TCF7L2: variants seen among roughly 807,000 people sequenced by gnomAD.
TCF7L2 encodes transcription factor 7-like 2.
In TCF7L2, 23 loss-of-function variants were observed where a neutral mutation model predicts 77.9. The observed-to-expected ratio is 0.30, with a 90% CI of 0.21 to 0.42. The LOEUF (loss-of-function observed/expected upper bound fraction) is 0.42. TCF7L2 is among the 10% of genes least tolerant of loss of function. TCF7L2 has a pLI of 1.00. For missense variants in TCF7L2, 654 were observed against 793.1 expected (o/e 0.82, Z 2.11); for synonymous variants, 413 against 340.2 (o/e 1.21, Z -2.36).
intron 4 of TCF7L2, among the ~76,000 whole-genome samples, chr10:112,985,608 T>C (rs924779700): frequency 1.3e-5 from 2 of 152,200 alleles, no homozygotes; most frequent in African/African-American, 2.4e-5. Context: ...GATCCCCTTA[T>C]GTTCGGTAAA....
chr10:113,103,476 GA>G (rs576325969), intron 5 of TCF7L2, among the ~76,000 whole-genome samples: 3 of 150,776 alleles, frequency 2.0e-5, no homozygotes, highest in African/African-American at 4.9e-5. Flanking sequence ...AAGTAAGAAA[GA>G]AAAAAAAATA....
chr10:113,121,250 T>G (rs920590544), intron 5 of TCF7L2, among the ~76,000 whole-genome samples: 1 of 152,192 alleles, frequency 6.6e-6, no homozygotes, highest in Non-Finnish European at 1.5e-5. Flanking sequence ...CTTGCCCCTC[T>G]TCTCGCTCTC....
intron 7 of TCF7L2, among the ~76,000 whole-genome samples, chr10:113,144,822 C>T (rs2069035783): frequency 1.3e-5 from 2 of 152,140 alleles, no homozygotes; most frequent in African/African-American, 4.8e-5. Context: ...AGTAGAAAGG[C>T]CTTTGATGCA....
chr10:113,032,214 G>A (rs965591788), intron 4 of TCF7L2, among the ~76,000 whole-genome samples: 14 of 152,208 alleles, frequency 9.2e-5, no homozygotes, highest in African/African-American at 3.4e-4. Flanking sequence ...GGAGGGTCTG[G>A]TGAAATTCCA....
At chr10:113,074,800 G>T (rs1449757378) in intron 5 of TCF7L2, among the ~76,000 whole-genome samples, 1 of 152,136 alleles carries the variant, frequency 6.6e-6, no homozygotes, top group Non-Finnish European at 1.5e-5. Flanking sequence ...TGTTCCCCAG[G>T]AGACATCTGG....
chr10:113,014,563 G>GGGCGCCTCCCAAA (rs2047021282), intron 4 of TCF7L2, among the ~76,000 whole-genome samples: 1 of 151,342 alleles, frequency 6.6e-6, no homozygotes, highest in African/African-American at 2.4e-5. Flanking sequence ...GAGGCCGAGG[G>GGGCGCCTCCCAAA]GGCGCGGATC....
chr10:112,971,996 C>G (rs1202552882), intron 4 of TCF7L2, among the ~76,000 whole-genome samples: 1 of 151,932 alleles, frequency 6.6e-6, no homozygotes, highest in Admixed American at 6.6e-5. Flanking sequence ...TCTCGGCTCA[C>G]TGCAACCTCT....
At chr10:113,039,413 A>G (rs56087297) in intron 4 of TCF7L2, among the ~76,000 whole-genome samples, 32,572 of 152,096 alleles carry the variant, frequency 0.21, 4,041 homozygotes, top group Middle Eastern at 0.32. Flanking sequence ...GAGTGTATAC[A>G]TTGTGTCTGG....
intron 5 of TCF7L2, among the ~76,000 whole-genome samples, chr10:113,131,249 C>T (rs967076952): frequency 6.6e-6 from 1 of 152,194 alleles, no homozygotes; most frequent in Non-Finnish European, 1.5e-5. Flanking sequence ...GACTTATGTT[C>T]ATATTTTCAA....
intron 5 of TCF7L2, among the ~76,000 whole-genome samples, chr10:113,087,727 C>G (rs1361125996): frequency 6.6e-6 from 1 of 152,160 alleles, no homozygotes; most frequent in Non-Finnish European, 1.5e-5. Flanking sequence ...CTCTCAAAAT[C>G]CAGACACAAG....
At chr10:113,129,407 C>T (rs1248725920) in intron 5 of TCF7L2, 6 of 998,934 alleles carry the variant, frequency 6.0e-6, no homozygotes, top group Non-Finnish European at 7.2e-6. Flanking sequence ...GCTGAGGTGC[C>T]CTGAGCTGGC....
chr10:113,031,480 C>CTTT (rs57567068), intron 4 of TCF7L2, among the ~76,000 whole-genome samples: 7 of 134,870 alleles, frequency 5.2e-5, no homozygotes, highest in South Asian at 2.4e-4. Flanking sequence ...ACTGTGCAAC[C>CTTT]TTTTTTTTTT....
At chr10:113,158,887 GTT>G (rs370713981) in intron 12 of TCF7L2, among the ~76,000 whole-genome samples, 170 bp downstream of exon 13, 2 of 128,838 alleles carry the variant, frequency 1.6e-5, no homozygotes. Flanking sequence ...AGTTGCTTCT[GTT>G]TTTTTTTTTT....
intron 5 of TCF7L2, among the ~76,000 whole-genome samples, chr10:113,075,142 C>T (rs1388140547): frequency 6.6e-6 from 1 of 152,112 alleles, no homozygotes; most frequent in Non-Finnish European, 1.5e-5. Flanking sequence ...AGGTATAAGC[C>T]ACAGTGCCCA....
chr10:112,969,075 C>G (rs1240184662), intron 4 of TCF7L2, among the ~76,000 whole-genome samples: 1 of 152,174 alleles, frequency 6.6e-6, no homozygotes, highest in African/African-American at 2.4e-5. Context: ...GTCCCAGAGG[C>G]TAACTTCTGA....
In TCF7L2 at chr10:113,166,716, T is replaced by A. The variant is rs2074058000; in HGVS notation, c.*744T>A. The A allele has an allele frequency of 4.3e-6, 1 of 229,916 alleles. No homozygotes were observed. Among genetic ancestry groups the A allele is most frequent in the South Asian group, 1.8e-4 (1 of 5,494 alleles). The allele number at this position is 229,916 out of a possible 1,614,324, so 14.2% of individuals were successfully genotyped here. A position where few individuals can be genotyped will look rare whatever the true frequency, so the allele number is the denominator to read the frequency against. ...CCTTTTTCTTGAAACTGTATAAAGT[T>A]TTTTTCCCCCTTAGCATAAGCATCT... On this transcript the variant is annotated 3_prime_UTR_variant, in exon 14 of 14. Coordinates refer to ENST00000627217, the MANE Select transcript of TCF7L2 (RefSeq NM_001146274.2).
chr10:113,048,764 T>G (rs1443712867), intron 5 of TCF7L2, among the ~76,000 whole-genome samples: 2 of 152,176 alleles, frequency 1.3e-5, no homozygotes, highest in Non-Finnish European at 2.9e-5. Flanking sequence ...CAATCTTGGT[T>G]TACGATGTCT....
intron 11 of TCF7L2, 74 bp downstream of exon 11, chr10:113,152,514 G>A: frequency 7.8e-7 from 1 of 1,286,720 alleles, no homozygotes; most frequent in Admixed American, 2.0e-5. Flanking sequence ...AAGAGAACAG[G>A]ACCTGCCACT....
chr10:113,037,031 G>A (rs977618169), intron 4 of TCF7L2, among the ~76,000 whole-genome samples: 3 of 152,062 alleles, frequency 2.0e-5, no homozygotes, highest in Non-Finnish European at 2.9e-5. Context: ...GCTGCTTAAT[G>A]TCTCCAGGAA....
Sources: gnomAD v4.1 joint callset for allele counts (sites outside exome capture counted in the v4.1 genomes callset) on GRCh38, gnomAD v4.1.1 for gene constraint, MANE v1.5 for transcripts, NCBI Gene and HGNC (gene_info 2026-07-23, HGNC 2026-07-21) for gene names.